Variants in KIF26B observed in about 807,000 individuals in gnomAD.
KIF26B encodes kinesin-like protein KIF26B.
In KIF26B, 63 loss-of-function variants were observed where a neutral mutation model predicts 151.2. The ratio of observed to expected loss-of-function variants is 0.42; its 90% confidence interval spans 0.34 to 0.51. The LOEUF (loss-of-function observed/expected upper bound fraction) is 0.51. Among genes scored for constraint, KIF26B ranks in the 20% least tolerant of loss-of-function variants. The probability of loss-of-function intolerance (pLI) is 0.07; values close to 1 mark genes in which losing one functional copy is unlikely to be tolerated. For synonymous variants in KIF26B, 1,357 were observed against 1,262.1 expected (o/e 1.08, Z -1.59); for missense variants, 2,813 against 2,913.6 (o/e 0.97, Z 0.79).
chr1:245,521,211 C>G (rs938798479), intron 4 of KIF26B, among the ~76,000 whole-genome samples: 1 of 152,022 alleles, frequency 6.6e-6, no homozygotes, highest in Non-Finnish European at 1.5e-5. Flanking sequence ...GTGGCGAGCA[C>G]CTGTAGTCCC....
intron 2 of KIF26B, among the ~76,000 whole-genome samples, chr1:245,313,033 C>T (rs987021939): frequency 6.6e-6 from 1 of 151,972 alleles, no homozygotes; most frequent in African/African-American, 2.4e-5. Flanking sequence ...GTGGTGCGCA[C>T]CTGTAGTCCC....
intron 5 of KIF26B, among the ~76,000 whole-genome samples, chr1:245,565,840 G>T (rs1421424505): frequency 2.0e-5 from 3 of 152,214 alleles, no homozygotes. Context: ...ATTGGCTCAT[G>T]GTTCTGCAGC....
In KIF26B at chr1:245,703,523, C is replaced by G. The variant is rs538405318; in HGVS notation, c.*917C>G. 1.3e-5 allele frequency: 2 copies of G among 152,316 alleles called. No individual in the cohort carries two copies. Among genetic ancestry groups the G allele is most frequent in the Admixed American group, 1.3e-4 (2 of 15,300 alleles). 9.4% of individuals were successfully genotyped at this position (152,316 alleles called of 1,614,324 possible). On this transcript the variant is annotated 3_prime_UTR_variant, in exon 15 of 15. Transcript: ENST00000407071. ...GCCGTATGTTCTGTAGACCGTTTGC[C>G]CCCCTCAAGTCCTCCACACATGTGG... is the stretch of plus-strand genomic sequence containing the variant.
At chr1:245,666,811 C>A (rs1208941541) in intron 10 of KIF26B, among the ~76,000 whole-genome samples, 1 of 151,996 alleles carries the variant, frequency 6.6e-6, no homozygotes, top group African/African-American at 2.4e-5. Flanking sequence ...AACATTTTTG[C>A]TCTGGAGACC....
At chr1:245,360,843 C>G (rs148063618) in intron 2 of KIF26B, among the ~76,000 whole-genome samples, 2 of 152,014 alleles carry the variant, frequency 1.3e-5, no homozygotes, top group East Asian at 1.9e-4. Context: ...AAAACTCCAT[C>G]GGTACTAAAA....
At chr1:245,299,091 C>T (rs564169431) in intron 2 of KIF26B, among the ~76,000 whole-genome samples, 13 of 152,340 alleles carry the variant, frequency 8.5e-5, no homozygotes, top group Non-Finnish European at 1.6e-4. Flanking sequence ...GTGTTCCTAA[C>T]CCAGCTCGCT....
At chr1:245,521,327 C>T (rs1342617589) in intron 4 of KIF26B, among the ~76,000 whole-genome samples, 28 of 145,276 alleles carry the variant, frequency 1.9e-4, no homozygotes, top group Admixed American at 1.7e-3. Flanking sequence ...AGTGACAGAG[C>T]GAGACTCCGT....
At chr1:245,404,326 C>G (rs1450476832) in intron 3 of KIF26B, among the ~76,000 whole-genome samples, 2 of 151,690 alleles carry the variant, frequency 1.3e-5, no homozygotes, top group African/African-American at 4.8e-5. Flanking sequence ...AAATAGCAGA[C>G]TCCAGGGACT....
At chr1:245,310,727 C>T (rs989530802) in intron 2 of KIF26B, among the ~76,000 whole-genome samples, 24 of 152,282 alleles carry the variant, frequency 1.6e-4, no homozygotes, top group African/African-American at 5.8e-4. Flanking sequence ...CATGTGCAGG[C>T]AGCAGCAGCA....
Position 245,367,616 on chromosome 1 carries a change from G to T in KIF26B, c.999+249G>T, listed in dbSNP as rs375669744. Among the ~76,000 whole-genome samples, 10 of 152,346 alleles carry T rather than the reference G, an allele frequency of 6.6e-5. No individual in the cohort carries two copies. The East Asian group carries it at 1.3e-3, about 21-fold the overall frequency. ...GCTCTTCAGTGTCTCCTTCCTGAGA[G>T]ACCCTCTTTGTGTAAGAGGTCCTTG... On this transcript the variant is annotated intron_variant, in intron 3 of 14. Coordinates refer to ENST00000407071, the MANE Select transcript of KIF26B (RefSeq NM_018012.4). This position sits in a 1 kb window ranked among gnomAD's most constrained non-coding sequence, Gnocchi z 4.2.
intron 4 of KIF26B, among the ~76,000 whole-genome samples, chr1:245,506,484 A>T (rs540560941): frequency 6.6e-6 from 1 of 152,204 alleles, no homozygotes; most frequent in East Asian, 1.9e-4. Context: ...CTGTATTATG[A>T]TCTTGTCTTT....
chr1:245,540,730 A>C lies in KIF26B; in HGVS notation c.1167-37A>C, dbSNP rs1322905365. The C allele has an allele frequency of 2.5e-6, 4 of 1,570,148 alleles. No homozygotes were observed. The highest frequency in any genetic ancestry group is 1.1e-5 in the South Asian group (1 of 90,166). ...GTAAGCCTAGCAGATCTGATCGTAC[A>C]ATCATTTTCCCCTTATTGTTCCTTT... On this transcript the variant is annotated intron_variant, in intron 4 of 14. Transcript: ENST00000407071. The surrounding 1 kb of genome is among the most constrained non-coding windows in gnomAD (Gnocchi z 4.6).
intron 2 of KIF26B, among the ~76,000 whole-genome samples, chr1:245,172,392 T>A (rs768855469): frequency 4.6e-5 from 7 of 151,916 alleles, no homozygotes; most frequent in Non-Finnish European, 8.8e-5. Context: ...GGGGTGATGA[T>A]GGAGAGGAGT....
chr1:245,471,118 T>C (rs796855693), intron 4 of KIF26B, among the ~76,000 whole-genome samples: 1 of 141,636 alleles, frequency 7.1e-6, no homozygotes, highest in African/African-American at 2.5e-5. Flanking sequence ...TGATAGTATG[T>C]GTGTGTGTGT....
At chr1:245,524,945 G>A (rs184931819) in intron 4 of KIF26B, among the ~76,000 whole-genome samples, 4 of 151,950 alleles carry the variant, frequency 2.6e-5, no homozygotes, top group Non-Finnish European at 5.9e-5. Context: ...TGGTCTCTCA[G>A]GGGCATTTAA....
At chr1:245,653,531 A>G (rs1477262405) in intron 10 of KIF26B, among the ~76,000 whole-genome samples, 1 of 152,192 alleles carries the variant, frequency 6.6e-6, no homozygotes, top group Middle Eastern at 3.2e-3. Flanking sequence ...TGACATAGGT[A>G]CTGTAATCAT....
chr1:245,242,504 T>TA (rs1670226162), intron 2 of KIF26B, among the ~76,000 whole-genome samples: 1 of 152,222 alleles, frequency 6.6e-6, no homozygotes, highest in Non-Finnish European at 1.5e-5. Flanking sequence ...ATTGGACTAA[T>TA]AAAAAGTTGT....
Position 245,367,884 on chromosome 1 carries a change from C to T in KIF26B, c.999+517C>T, listed in dbSNP as rs1673001897. On this transcript the variant is annotated intron_variant, in intron 3 of 14. Transcript: ENST00000407071. This position sits in a 1 kb window ranked among gnomAD's most constrained non-coding sequence, Gnocchi z 4.2. ...GCATGACATGTAGGCCAACACCTGC[C>T]ATATAGTAGGGGATCATTGTTGTGC... 6.6e-6 allele frequency among the ~76,000 whole-genome samples: 1 copy of T among 152,166 alleles called. No homozygotes were observed. Among genetic ancestry groups the T allele is most frequent in the African/African-American group, 2.4e-5 (1 of 41,444 alleles).
At position 245,474,219 on chromosome 1, in the gene KIF26B, C is replaced by T. The variant is rs1271253748; in HGVS notation, c.1166+54474C>T. On this transcript the variant is annotated intron_variant, in intron 4 of 14. Coordinates refer to ENST00000407071, the MANE Select transcript of KIF26B (RefSeq NM_018012.4). ...TGCCTCCCGGGTTCAAGTCATTCTCCTGCCTCAGCCTCCCGAGTGGCTGGG... is the reference window on the plus strand; with the variant it reads ...TGCCTCCCGGGTTCAAGTCATTCTCTTGCCTCAGCCTCCCGAGTGGCTGGG... Among the ~76,000 whole-genome samples, 89 of 127,066 alleles carry T rather than the reference C, an allele frequency of 7.0e-4. 2 individuals are homozygous for T. Among genetic ancestry groups the T allele is most frequent in the Admixed American group, 2.3e-4 (3 of 13,244 alleles). The allele number at this position is 127,066 out of a possible 152,430, so 83.4% of individuals were successfully genotyped here.
Sources: allele counts gnomAD v4.1 joint callset (sites outside exome capture counted in the v4.1 genomes callset), GRCh38; gene constraint gnomAD v4.1.1; non-coding constraint Gnocchi (gnomAD v3.1); transcripts MANE v1.5; gene names NCBI Gene and HGNC (gene_info 2026-07-23, HGNC 2026-07-21).